Variants in SUPT3H observed in about 807,000 individuals in gnomAD.
The protein encoded by SUPT3H is transcription initiation protein SPT3 homolog.
SUPT3H carries 44 observed loss-of-function variants against 44.3 expected under a neutral mutation model. The observed-to-expected ratio is 0.99, with a 90% CI of 0.78 to 1.28. The LOEUF is 1.28. SUPT3H is among the 50% of genes most tolerant of loss of function. The pLI, the probability that SUPT3H is intolerant of heterozygous loss-of-function variation, is 0.00. For synonymous variants in SUPT3H, 124 were observed against 125.6 expected (o/e 0.99, Z 0.09); for missense variants, 380 against 387.1 (o/e 0.98, Z 0.15).
intron 9 of SUPT3H, among the ~76,000 whole-genome samples, chr6:44,946,443 T>C (rs1347251249): frequency 1.3e-5 from 2 of 152,210 alleles, no homozygotes; most frequent in African/African-American, 4.8e-5. Flanking sequence ...CTACATGCCA[T>C]TAAGAACATC....
At chr6:45,164,155 T>C (rs1490579633) in intron 2 of SUPT3H, among the ~76,000 whole-genome samples, 1 of 152,144 alleles carries the variant, frequency 6.6e-6, no homozygotes, top group African/African-American at 2.4e-5. Context: ...TGGGGGGCAG[T>C]GCAGTGTAGT....
intron 10 of SUPT3H, among the ~76,000 whole-genome samples, chr6:44,884,977 T>A (rs1778905196): frequency 6.6e-6 from 1 of 152,176 alleles, no homozygotes. Flanking sequence ...TGCACCTGGC[T>A]CGGAGGGTCC....
intron 11 of SUPT3H, among the ~76,000 whole-genome samples, chr6:44,820,883 CTG>C (rs1767259302): frequency 6.6e-6 from 1 of 152,156 alleles, no homozygotes; most frequent in Admixed American, 6.5e-5. Context: ...CAGGGTCTGG[CTG>C]TGTTGCCCAG....
intron 3 of SUPT3H, among the ~76,000 whole-genome samples, chr6:45,080,277 C>A (rs1003474958): frequency 3.9e-5 from 6 of 151,912 alleles, no homozygotes; most frequent in Non-Finnish European, 8.8e-5. Context: ...GGCTTTTATC[C>A]AAAAGGCAAT....
chr6:45,068,508 G>T (rs1474665755), intron 3 of SUPT3H, among the ~76,000 whole-genome samples: 1 of 151,842 alleles, frequency 6.6e-6, no homozygotes, highest in Non-Finnish European at 1.5e-5. Context: ...GATAAGGATA[G>T]GGGTAATCTC....
chr6:44,937,128 T>C (rs1439484430), intron 9 of SUPT3H, among the ~76,000 whole-genome samples: 2 of 152,164 alleles, frequency 1.3e-5, no homozygotes, highest in African/African-American at 2.4e-5. Flanking sequence ...TGTAATGATT[T>C]CTTTTCCTTT....
intron 2 of SUPT3H, among the ~76,000 whole-genome samples, chr6:45,197,003 A>G (rs970833718): frequency 1.1e-4 from 17 of 151,606 alleles, no homozygotes; most frequent in African/African-American, 4.1e-4. Context: ...GAGGAGAAGA[A>G]AAAAAAATCC....
intron 2 of SUPT3H, among the ~76,000 whole-genome samples, chr6:45,287,537 T>C (rs181214116): frequency 2.6e-5 from 4 of 152,088 alleles, no homozygotes; most frequent in Non-Finnish European, 5.9e-5. Context: ...CTTATAGGAG[T>C]GACCTCATAT....
chr6:45,236,249 T>C (rs532896335), intron 2 of SUPT3H, among the ~76,000 whole-genome samples: 2 of 152,030 alleles, frequency 1.3e-5, no homozygotes, highest in Admixed American at 6.6e-5. Context: ...GAACCCAACG[T>C]TGGGGCTCAA....
intron 3 of SUPT3H, among the ~76,000 whole-genome samples, chr6:45,078,791 G>A (rs1212867825): frequency 1.3e-5 from 2 of 152,082 alleles, no homozygotes; most frequent in African/African-American, 2.4e-5. Context: ...GGCCTACAAA[G>A]TTTATGTTGG....
intron 3 of SUPT3H, among the ~76,000 whole-genome samples, chr6:45,062,699 C>G (rs1279934356): frequency 1.3e-5 from 2 of 152,144 alleles, no homozygotes; most frequent in Non-Finnish European, 2.9e-5. Flanking sequence ...AAAGGGGTGA[C>G]GGACGCACCT....
intron 10 of SUPT3H, among the ~76,000 whole-genome samples, chr6:44,892,762 T>C (rs1763503555): frequency 6.6e-6 from 1 of 152,158 alleles, no homozygotes; most frequent in African/African-American, 2.4e-5. Flanking sequence ...GACAGATTAG[T>C]GGTAGAGCCC....
intron 10 of SUPT3H, among the ~76,000 whole-genome samples, chr6:44,931,816 T>C (rs998262983): frequency 1.3e-5 from 2 of 152,086 alleles, no homozygotes; most frequent in Admixed American, 6.5e-5. Context: ...CTTTTATGAA[T>C]AGTAAAATCC....
At chr6:45,300,610 G>A (rs769686109) in intron 2 of SUPT3H, among the ~76,000 whole-genome samples, 1 of 152,156 alleles carries the variant, frequency 6.6e-6, no homozygotes, top group Non-Finnish European at 1.5e-5. Context: ...GATAGGAAGC[G>A]ACGGCTTAAT....
intron 2 of SUPT3H, among the ~76,000 whole-genome samples, chr6:45,247,307 G>C (rs1771541732): frequency 6.6e-6 from 1 of 152,168 alleles, no homozygotes; most frequent in Non-Finnish European, 1.5e-5. Context: ...CTGGCCTTCA[G>C]CTGGCATGTA....
chr6:45,061,095 G>C (rs1476941047), intron 3 of SUPT3H, among the ~76,000 whole-genome samples: 1 of 151,892 alleles, frequency 6.6e-6, no homozygotes, highest in Non-Finnish European at 1.5e-5. Context: ...GCCATTACTG[G>C]GTATATACTC....
At chr6:44,849,957 C>T (rs977508378) in intron 10 of SUPT3H, among the ~76,000 whole-genome samples, 5 of 152,198 alleles carry the variant, frequency 3.3e-5, no homozygotes, top group Admixed American at 6.5e-5. Context: ...GCCCCCAGGA[C>T]ACCTGGCCTG....
chr6:44,976,322 TA>T (rs1042126610), intron 6 of SUPT3H, among the ~76,000 whole-genome samples: 4 of 151,764 alleles, frequency 2.6e-5, no homozygotes, highest in African/African-American at 9.7e-5. Flanking sequence ...CCTAAATACT[TA>T]AGAAAAAGCA....
intron 2 of SUPT3H, among the ~76,000 whole-genome samples, chr6:45,289,398 A>C (rs1290155254): frequency 3.9e-5 from 6 of 152,184 alleles, no homozygotes; most frequent in Non-Finnish European, 8.8e-5. Context: ...AGTATTACTG[A>C]GGAAATAGAA....
Sources: allele counts gnomAD v4.1 joint callset (sites outside exome capture counted in the v4.1 genomes callset), GRCh38; gene constraint gnomAD v4.1.1; transcripts MANE v1.5; gene names NCBI Gene and HGNC (gene_info 2026-07-23, HGNC 2026-07-21).